TMTC1: variants seen among roughly 807,000 people sequenced by gnomAD.
TMTC1 encodes protein O-mannosyl-transferase TMTC1.
A neutral mutation model predicts 104.8 loss-of-function variants in TMTC1; 73 were observed. The ratio of observed to expected loss-of-function variants is 0.70; its 90% CI spans 0.58 to 0.85. TMTC1 has a LOEUF of 0.85. Ranked by LOEUF, TMTC1 falls within the 40% of genes least tolerant of loss-of-function variation. The pLI is 0.00. For missense variants in TMTC1, 1,035 were observed against 1,096.1 expected, an observed-to-expected ratio of 0.94 and a Z score of 0.79; for synonymous variants, 434 against 428.7, an observed-to-expected ratio of 1.01 and a Z score of -0.15.
chr12:29,768,429 A>G (rs1943522967), intron 1 of TMTC1, among the ~76,000 whole-genome samples: 2 of 152,332 alleles, frequency 1.3e-5, no homozygotes, highest in Admixed American at 6.5e-5. Flanking sequence ...CTTCCCAAGC[A>G]ACTGAGTGTT....
intron 10 of TMTC1, among the ~76,000 whole-genome samples, chr12:29,537,967 G>A (rs1047229295): frequency 3.9e-5 from 6 of 152,082 alleles, no homozygotes; most frequent in South Asian, 2.1e-4. Context: ...TATCATTATC[G>A]ATTATATGTC....
chr12:29,670,282 C>T (rs1940456186), intron 5 of TMTC1, among the ~76,000 whole-genome samples: 1 of 152,184 alleles, frequency 6.6e-6, no homozygotes, highest in Non-Finnish European at 1.5e-5. Context: ...TAGTGAAATA[C>T]ATTTCCTGTT....
intron 6 of TMTC1, among the ~76,000 whole-genome samples, chr12:29,629,425 A>C (rs974589720): frequency 6.6e-6 from 1 of 152,114 alleles, no homozygotes; most frequent in African/African-American, 2.4e-5. Flanking sequence ...TGTATGATTG[A>C]TGTCTCATGT....
At chr12:29,588,702 A>G (rs1946204984) in intron 7 of TMTC1, among the ~76,000 whole-genome samples, 1 of 152,186 alleles carries the variant, frequency 6.6e-6, no homozygotes, top group Non-Finnish European at 1.5e-5. Flanking sequence ...AATTAAGAAG[A>G]GGAAGAGGTT....
At chr12:29,675,989 C>T (rs753183501) in intron 5 of TMTC1, among the ~76,000 whole-genome samples, 1 of 152,152 alleles carries the variant, frequency 6.6e-6, no homozygotes, top group Non-Finnish European at 1.5e-5. Context: ...CTAACAGAAG[C>T]TGATATTTCA....
At chr12:29,712,842 G>A (rs1941965727) in intron 5 of TMTC1, among the ~76,000 whole-genome samples, 2 of 152,208 alleles carry the variant, frequency 1.3e-5, no homozygotes, top group African/African-American at 4.8e-5. Context: ...TATTGGTGAT[G>A]TCGAATCTAC....
chr12:29,572,137 C>G lies in TMTC1; in HGVS notation c.1500G>C (p.Lys500Asn). ...ANFLKDQGRNKEAIYHYRTAL... is the reference protein window; with the variant it reads ...ANFLKDQGRNNEAIYHYRTAL... ...CTGTTCTGTAGTGGTAGATCGCTTC[C>G]TTGTTCCGACCTTGGTCCTTCAGGA... Residue 500 changes from lysine to asparagine, a missense_variant, in exon 9 of 18, where the codon AAG becomes AAC. Physicochemically the swap from Lys to Asn is moderately conservative, Grantham distance 94 (BLOSUM62 0). Transcript: ENST00000539277. 1 of 1,613,970 alleles carries G rather than the reference C, an allele frequency of 6.2e-7. No individual in the cohort carries two copies. The highest frequency in any genetic ancestry group is 1.1e-5 in the South Asian group (1 of 91,074).
chr12:29,639,564 T>C (rs34265384), intron 5 of TMTC1, among the ~76,000 whole-genome samples: 33,232 of 152,204 alleles, frequency 0.22, 4,112 homozygotes, highest in African/African-American at 0.35. Flanking sequence ...TGCAGAACTG[T>C]AGGCAGTTTC....
Position 29,745,248 on chromosome 12 carries a change from A to C in TMTC1, c.938+6418T>G, listed in dbSNP as rs369941683. Reference sequence around the variant, plus strand: ...ACCACCTCCCTTCTGCAGTGCCCTAACATTCACCAAGTGTGCCTGTAGTCC... The same window carrying C: ...ACCACCTCCCTTCTGCAGTGCCCTACCATTCACCAAGTGTGCCTGTAGTCC... On this transcript the variant is annotated intron_variant, in intron 5 of 17. Coordinates refer to ENST00000539277, the MANE Select transcript of TMTC1 (RefSeq NM_001193451.2). 1.2e-4 allele frequency among the ~76,000 whole-genome samples: 19 copies of C among 152,290 alleles called. No individual in the cohort carries two copies. In the East Asian group the frequency reaches 3.7e-3, roughly 29 times the overall value.
At chr12:29,621,650 C>A (rs1170915245) in intron 6 of TMTC1, among the ~76,000 whole-genome samples, 1 of 152,116 alleles carries the variant, frequency 6.6e-6, no homozygotes. Context: ...TTTGATCTTA[C>A]CTTCTTGTTG....
At chr12:29,589,833 A>G (rs1390681194) in intron 7 of TMTC1, among the ~76,000 whole-genome samples, 1 of 152,236 alleles carries the variant, frequency 6.6e-6, no homozygotes, top group African/African-American at 2.4e-5. Context: ...GGGCAAGGAC[A>G]GTACTGGTTT....
intron 5 of TMTC1, among the ~76,000 whole-genome samples, chr12:29,720,939 G>T (rs375868035): frequency 1.2e-4 from 18 of 152,220 alleles, no homozygotes; most frequent in East Asian, 1.2e-3. Context: ...CAAAAAAAGT[G>T]GCAGAGTGGT....
chr12:29,560,156 T>C (rs534994595), intron 9 of TMTC1, among the ~76,000 whole-genome samples: 1 of 152,350 alleles, frequency 6.6e-6, no homozygotes, highest in South Asian at 2.1e-4. Flanking sequence ...TAAGTCCATC[T>C]TGACTTTGCC....
rs945034712 is a variant in TMTC1, at chr12:29,561,678, G to C, written c.1533-4678C>G. On this transcript the variant is annotated intron_variant, in intron 9 of 17. Coordinates refer to ENST00000539277, the MANE Select transcript of TMTC1 (RefSeq NM_001193451.2). ...ATGTCAGTTATTTACTTTAAATTTT[G>C]TACAATCTGTTCCAGAGTTAAGAAT... Among the ~76,000 whole-genome samples, 3 of 152,094 alleles carry C rather than the reference G, an allele frequency of 2.0e-5. No homozygotes were observed. The South Asian group carries it at 6.2e-4, about 32-fold the overall frequency.
chr12:29,651,537 A>C (rs1423309315), intron 5 of TMTC1, among the ~76,000 whole-genome samples: 1 of 152,190 alleles, frequency 6.6e-6, no homozygotes, highest in Admixed American at 6.5e-5. Context: ...TGCTACACTG[A>C]CTTAGCCATT....
chr12:29,713,153 GCCTGACTACCA>G (rs1941977701), intron 5 of TMTC1, among the ~76,000 whole-genome samples: 1 of 151,908 alleles, frequency 6.6e-6, no homozygotes, highest in Admixed American at 6.6e-5. Context: ...TGGAAATGCT[GCCTGACTACCA>G]CCCTTGAGAC....
chr12:29,741,480 T>C (rs1263309733), intron 5 of TMTC1, among the ~76,000 whole-genome samples: 2 of 152,178 alleles, frequency 1.3e-5, no homozygotes, highest in African/African-American at 4.8e-5. Context: ...TTGTCTCCCT[T>C]GTGTCACTTC....
intron 1 of TMTC1, among the ~76,000 whole-genome samples, chr12:29,779,849 A>G (rs1208934276): frequency 6.6e-6 from 1 of 152,228 alleles, no homozygotes; most frequent in Non-Finnish European, 1.5e-5. Flanking sequence ...AACACTTAAA[A>G]ATGGACAAAA....
intron 5 of TMTC1, among the ~76,000 whole-genome samples, chr12:29,652,519 C>T (rs921144274): frequency 2.0e-4 from 30 of 152,156 alleles, no homozygotes; most frequent in African/African-American, 7.2e-4. Context: ...GCAAAGTGGC[C>T]TTCAGAAACA....
Sources: gnomAD v4.1 joint callset for allele counts (sites outside exome capture counted in the v4.1 genomes callset) on GRCh38, gnomAD v4.1.1 for gene constraint, MANE v1.5 for transcripts, NCBI Gene and HGNC (gene_info 2026-07-23, HGNC 2026-07-21) for gene names.